Variants in SIL1 observed in about 807,000 individuals in gnomAD.
SIL1 encodes SIL1 nucleotide exchange factor.
SIL1 carries 40 observed loss-of-function variants against 49.1 expected under a neutral mutation model. The observed-to-expected ratio is 0.81, with a 90% confidence interval of 0.63 to 1.06. The LOEUF (loss-of-function observed/expected upper bound fraction) is 1.06, where lower values mean the gene tolerates loss of function less well. SIL1 is among the 50% of genes least tolerant of loss of function. SIL1 has a pLI of 0.00. For missense variants in SIL1, 500 were observed against 572.6 expected (o/e 0.87, Z 1.29); for synonymous variants, 253 against 250.8 (o/e 1.01, Z -0.08).
chr5:139,049,508 G>C (rs1458339085), intron 4 of SIL1, among the ~76,000 whole-genome samples: 2 of 152,082 alleles, frequency 1.3e-5, no homozygotes, highest in Admixed American at 1.3e-4. Flanking sequence ...TAAAATCCAG[G>C]CTGGGCACAG....
At chr5:138,987,082 A>ATTATT (rs58117206) in intron 7 of SIL1, among the ~76,000 whole-genome samples, 53,657 of 135,332 alleles carry the variant, frequency 0.4, 11,273 homozygotes, top group East Asian at 0.45. Context: ...TTTATGATAG[A>ATTATT]TTATTTTATT....
chr5:139,067,597 A>G (rs1769735048), intron 3 of SIL1, among the ~76,000 whole-genome samples: 1 of 152,256 alleles, frequency 6.6e-6, no homozygotes, highest in Non-Finnish European at 1.5e-5. Context: ...GTACACATTT[A>G]CATTTTTCTA....
At chr5:138,982,366 G>T (rs981794592) in intron 7 of SIL1, among the ~76,000 whole-genome samples, 1 of 152,196 alleles carries the variant, frequency 6.6e-6, no homozygotes, top group Non-Finnish European at 1.5e-5. Flanking sequence ...GGTGTGCAGG[G>T]TGGGCAGCAT....
intron 1 of SIL1, among the ~76,000 whole-genome samples, chr5:139,164,350 A>G (rs1490021372): frequency 2.0e-5 from 3 of 151,908 alleles, no homozygotes; most frequent in Admixed American, 6.6e-5. Flanking sequence ...TCTGGTTACT[A>G]CTCAAAGCTT....
chr5:139,133,752 T>C (rs1750916327), intron 1 of SIL1, among the ~76,000 whole-genome samples: 1 of 152,260 alleles, frequency 6.6e-6, no homozygotes, highest in South Asian at 2.1e-4. Flanking sequence ...GCTCATGTTA[T>C]TAACCTACAC....
intron 7 of SIL1, among the ~76,000 whole-genome samples, chr5:138,986,909 A>T (rs1206023131): frequency 6.6e-6 from 1 of 152,114 alleles, no homozygotes; most frequent in African/African-American, 2.4e-5. Context: ...CCTGCCCCCA[A>T]ATCCTTGGAA....
intron 3 of SIL1, among the ~76,000 whole-genome samples, chr5:139,071,666 ATTTT>A (rs67604334): frequency 3.9e-5 from 5 of 127,410 alleles, no homozygotes; most frequent in Admixed American, 8.0e-5. Flanking sequence ...TATTATTAGC[ATTTT>A]TTTTTTTTTT....
intron 1 of SIL1, among the ~76,000 whole-genome samples, chr5:139,165,966 A>G (rs1327041448): frequency 6.6e-6 from 1 of 151,954 alleles, no homozygotes; most frequent in Non-Finnish European, 1.5e-5. Flanking sequence ...CCTGGCCTGT[A>G]TTTCTTAAAT....
At chr5:139,066,603 T>C (rs1769711760) in intron 3 of SIL1, among the ~76,000 whole-genome samples, 1 of 152,256 alleles carries the variant, frequency 6.6e-6, no homozygotes, top group African/African-American at 2.4e-5. Context: ...GTCATTTGGC[T>C]TCTTGTTAAT....
At chr5:139,066,920 C>G (rs1262689617) in intron 3 of SIL1, among the ~76,000 whole-genome samples, 1 of 152,134 alleles carries the variant, frequency 6.6e-6, no homozygotes, top group Non-Finnish European at 1.5e-5. Context: ...CCTCTCTACT[C>G]TTGAAGAGAT....
intron 7 of SIL1, among the ~76,000 whole-genome samples, chr5:139,003,844 T>C (rs1768048490): frequency 6.6e-6 from 1 of 152,206 alleles, no homozygotes; most frequent in South Asian, 2.1e-4. Context: ...AATTATACTC[T>C]TTCTAATAAC....
intron 1 of SIL1, among the ~76,000 whole-genome samples, chr5:139,193,315 G>A (rs1033270219): frequency 1.3e-5 from 2 of 152,206 alleles, no homozygotes; most frequent in African/African-American, 2.4e-5. Context: ...TGTAATCCCA[G>A]CACTTTGGGA....
At chr5:139,147,319 C>T (rs1336493245) in intron 1 of SIL1, among the ~76,000 whole-genome samples, 1 of 152,200 alleles carries the variant, frequency 6.6e-6, no homozygotes, top group Non-Finnish European at 1.5e-5. Flanking sequence ...ACACTCATCT[C>T]ACCACTTACC....
At chr5:139,074,145 C>G (rs887669939) in intron 3 of SIL1, among the ~76,000 whole-genome samples, 1 of 152,168 alleles carries the variant, frequency 6.6e-6, no homozygotes, top group African/African-American at 2.4e-5. Context: ...CAACCTTGAA[C>G]TCTTGGACTC....
At chr5:139,050,460 A>T (rs944181370) in intron 4 of SIL1, among the ~76,000 whole-genome samples, 2 of 152,268 alleles carry the variant, frequency 1.3e-5, no homozygotes, top group African/African-American at 4.8e-5. Context: ...GAATGGCAGT[A>T]GCTTCTACTT....
chr5:139,048,576 C>T (rs995493567), intron 4 of SIL1, among the ~76,000 whole-genome samples: 1 of 151,942 alleles, frequency 6.6e-6, no homozygotes, highest in African/African-American at 2.4e-5. Context: ...CACCCTGTCG[C>T]TGGTGTGTGT....
intron 3 of SIL1, among the ~76,000 whole-genome samples, chr5:139,082,287 A>G (rs1770098295): frequency 6.6e-6 from 1 of 152,176 alleles, no homozygotes. Context: ...CCAGGTTTGT[A>G]TGGCTTCAAA....
intron 1 of SIL1, among the ~76,000 whole-genome samples, chr5:139,168,699 G>A (rs1382754159): frequency 1.3e-5 from 2 of 151,988 alleles, no homozygotes; most frequent in East Asian, 1.9e-4. Flanking sequence ...CAAGCAAGGC[G>A]CAGTGACTGA....
intron 1 of SIL1, among the ~76,000 whole-genome samples, chr5:139,132,157 C>T (rs1456647411): frequency 2.0e-5 from 3 of 151,980 alleles, no homozygotes; most frequent in African/African-American, 7.3e-5. Context: ...GGAGGAAGAG[C>T]TAAATGAGAA....
Sources: gnomAD v4.1 joint callset for allele counts (sites outside exome capture counted in the v4.1 genomes callset) on GRCh38, gnomAD v4.1.1 for gene constraint, MANE v1.5 for transcripts, NCBI Gene and HGNC (gene_info 2026-07-23, HGNC 2026-07-21) for gene names.